The following NYNRIN variants were observed in gnomAD, a reference collection of about 807,000 sequenced individuals.
NYNRIN encodes NYN domain and retroviral integrase containing, also known as protein NYNRIN.
NYNRIN carries 86 observed loss-of-function variants against 146.6 expected under a neutral mutation model. That is an observed-to-expected ratio of 0.59 (90% confidence interval 0.49 to 0.70). NYNRIN has a LOEUF of 0.70. Ranked by LOEUF, NYNRIN falls within the 30% of genes least tolerant of loss-of-function variation. The probability of loss-of-function intolerance (pLI) is 0.00; values close to 1 mark genes in which losing one functional copy is unlikely to be tolerated. For missense variants in NYNRIN, 2,191 were observed against 2,377.7 expected, an observed-to-expected ratio of 0.92 and a Z score of 1.63; for synonymous variants, 1,027 against 1,001.3, an observed-to-expected ratio of 1.03 and a Z score of -0.48.
In NYNRIN at chr14:24,408,790, C is replaced by T. The variant is rs2139347042; in HGVS notation, c.996C>T (p.Leu332=). The T allele has an allele frequency of 2.5e-6, 4 of 1,614,034 alleles. No homozygotes were observed. The African/African-American group carries it at 4.0e-5, about 16-fold the overall frequency. ...AGGTCCAGAAGATAGAAGATAAACT[C>T]CTCTTCCAACCTCCAGTATCAGCCC... ...QRQVQKIEDK[L]LFQPPVSALG... is the part of the protein sequence containing the mutation. The change falls in exon 4 of 9, where the codon CTC becomes CTT. Residue 332 remains leucine (L), a synonymous_variant. Coordinates refer to ENST00000382554, the MANE Select transcript of NYNRIN (RefSeq NM_025081.3).
Position 24,417,674 on chromosome 14 carries a change from G to A in NYNRIN, c.*228G>A, listed in dbSNP as rs972281877. ...GAATTTGCCAAAGGCTGTCAGATAT[G>A]GGTCCCTGGCAGTTTTACACTGGGA... On this transcript the variant is annotated 3_prime_UTR_variant, in exon 9 of 9. Transcript: ENST00000382554. The A allele has an allele frequency of 1.3e-5, 7 of 537,116 alleles. No individual in the cohort carries two copies. The highest frequency in any genetic ancestry group is 3.7e-5 in the Admixed American group (1 of 26,772). The allele number at this position is 537,116 out of a possible 1,614,324, so 33.3% of individuals were successfully genotyped here.
Position 24,418,615 on chromosome 14 carries a change from C to G in NYNRIN, c.*1169C>G, listed in dbSNP as rs910432991. 1.2e-5 allele frequency: 2 copies of G among 165,628 alleles called. No homozygotes were observed. The highest frequency in any genetic ancestry group is 2.6e-5 in the Non-Finnish European group (2 of 76,064). 10.3% of individuals were successfully genotyped at this position (165,628 alleles called of 1,614,324 possible). ...GTACACTCACCCTCTGAATTGCTGCCGCTGCCAAGGAAGTGGGCTCCAGGT... is the reference window on the plus strand; with the variant it reads ...GTACACTCACCCTCTGAATTGCTGCGGCTGCCAAGGAAGTGGGCTCCAGGT... On this transcript the variant is annotated 3_prime_UTR_variant, in exon 9 of 9. Transcript: ENST00000382554.
Position 24,414,640 on chromosome 14 carries a change from T to C in NYNRIN, c.2891T>C (p.Leu964Pro), listed in dbSNP as rs1458883218. Reference protein sequence around the residue: ...IGNFLKVWKTLPPSSASVTEL... With the variant: ...IGNFLKVWKTPPPSSASVTEL... ...AACTTCCTGAAGGTGTGGAAGACCCTTCCTCCCAGCTCAGCCAGTGTCACT... is the reference window on the plus strand; with the variant it reads ...AACTTCCTGAAGGTGTGGAAGACCCCTCCTCCCAGCTCAGCCAGTGTCACT... Residue 964 changes from leucine to proline, a missense_variant, in exon 9 of 9, where the codon CTT becomes CCT. Coordinates refer to ENST00000382554, the MANE Select transcript of NYNRIN (RefSeq NM_025081.3). The C allele has an allele frequency of 1.2e-6, 2 of 1,613,752 alleles. No homozygotes were observed. Among genetic ancestry groups the C allele is most frequent in the Non-Finnish European group, 1.7e-6 (2 of 1,179,772 alleles).
At chr14:24,402,035 G>A (rs2042847172) in intron 2 of NYNRIN, among the ~76,000 whole-genome samples, 2 of 152,224 alleles carry the variant, frequency 1.3e-5, no homozygotes, top group South Asian at 2.1e-4. Context: ...AGGACTGGGG[G>A]AGGGCTGATG....
At position 24,409,912 on chromosome 14, in the gene NYNRIN, A is replaced by G; in HGVS notation, c.2118A>G (p.Thr706=). 1.2e-6 allele frequency: 2 copies of G among 1,613,732 alleles called. No individual in the cohort carries two copies. The highest frequency in any genetic ancestry group is 1.7e-6 in the Non-Finnish European group (2 of 1,179,792). ...VARLLSEVQP[T]SRASVSLLKG... ...GACTTCTGAGTGAGGTCCAGCCTAC[A>G]TCAAGGGCTAGTGTCTCCTTACTGA... The change falls in exon 4 of 9, where the codon ACA becomes ACG. Residue 706 remains threonine (T), a synonymous_variant. Coordinates refer to ENST00000382554, the MANE Select transcript of NYNRIN (RefSeq NM_025081.3).
At chr14:24,407,765 G>A in intron 2 of NYNRIN, 104 bp from the exon 3 acceptor site, 1 of 1,080,728 alleles carries the variant, frequency 9.3e-7, no homozygotes, top group Non-Finnish European at 1.3e-6. Context: ...GGTAGTGGTG[G>A]GGCCACATGG....
rs758775630 is a variant in NYNRIN, at chr14:24,416,809, G to A, written c.5060G>A (p.Arg1687Gln). ...LEAAQGPQFA[R>Q]HVLVSCGLAL... The stretch of plus-strand genomic sequence containing the variant: ...GCAGCCCAGGGGCCCCAGTTTGCCC[G>A]GCACGTCCTTGTGAGCTGTGGGCTG... The change falls in exon 9 of 9, where the codon CGG (arginine) becomes CAG (glutamine). Residue 1687 changes from arginine to glutamine, a missense_variant. Coordinates refer to ENST00000382554, the MANE Select transcript of NYNRIN (RefSeq NM_025081.3). 5.6e-6 allele frequency: 9 copies of A among 1,612,066 alleles called. No individual in the cohort carries two copies. Among genetic ancestry groups the A allele is most frequent in the South Asian group, 4.4e-5 (4 of 90,948 alleles).
chr14:24,403,292 A>G (rs2042856244), intron 2 of NYNRIN, among the ~76,000 whole-genome samples: 2 of 152,232 alleles, frequency 1.3e-5, no homozygotes, highest in South Asian at 4.1e-4. Flanking sequence ...TACCACTTCC[A>G]GTAGCCTCTC....
rs2042959553 is a variant in NYNRIN at position 24,417,872 on chromosome 14, C to G, written c.*426C>G. ...ATTGGAACCACAGTCCTTTCCCATACAGAAACCCCAAATGTGGGCTCCTCC... is the reference window on the plus strand; with the variant it reads ...ATTGGAACCACAGTCCTTTCCCATAGAGAAACCCCAAATGTGGGCTCCTCC... On this transcript the variant is annotated 3_prime_UTR_variant, in exon 9 of 9. Coordinates refer to ENST00000382554, the MANE Select transcript of NYNRIN (RefSeq NM_025081.3). 1 of 197,586 alleles carries G rather than the reference C, an allele frequency of 5.1e-6. No individual in the cohort carries two copies. The highest frequency in any genetic ancestry group is 1.0e-5 in the Non-Finnish European group (1 of 95,872). 12.2% of individuals were successfully genotyped at this position (197,586 alleles called of 1,614,324 possible). A position where few individuals can be genotyped will look rare whatever the true frequency, so the allele number is the denominator to read the frequency against.
chr14:24,415,129 A>G lies in NYNRIN; in HGVS notation c.3380A>G (p.Asp1127Gly), dbSNP rs1367536972. Residue 1127 changes from aspartate to glycine, a missense_variant, in exon 9 of 9, where the codon GAC becomes GGC. By Grantham distance (94) the Asp-to-Gly change is moderately conservative (BLOSUM62 -1). This residue lies in a region of NYNRIN where 1,291 missense variants were observed against 1,417.0 expected (regional missense o/e 0.91). Coordinates refer to ENST00000382554, the MANE Select transcript of NYNRIN (RefSeq NM_025081.3). ...PLHSLLKQKP[D>G]WQWDQEHEEA... ...CACAGCCTCCTCAAGCAGAAGCCTG[A>G]CTGGCAGTGGGACCAGGAGCATGAG... 1.9e-6 allele frequency: 3 copies of G among 1,605,900 alleles called. No individual in the cohort carries two copies. Among genetic ancestry groups the G allele is most frequent in the Non-Finnish European group, 2.5e-6 (3 of 1,179,140 alleles).
intron 2 of NYNRIN, among the ~76,000 whole-genome samples, chr14:24,404,994 C>CTGTG (rs747195772): frequency 1.8e-3 from 147 of 83,170 alleles, no homozygotes; most frequent in Admixed American, 5.3e-3. Context: ...CTTGCCAAGC[C>CTGTG]TGTGTGTGTG....
chr14:24,409,165 G>C lies in NYNRIN; in HGVS notation c.1371G>C (p.Thr457=). 1 of 1,613,966 alleles carries C rather than the reference G, an allele frequency of 6.2e-7. No homozygotes were observed. The highest frequency in any genetic ancestry group is 8.5e-7 in the Non-Finnish European group (1 of 1,179,882). ...CPRPEISPKV[T]SLLVVPGSSD... ...GGCCAGAGATTTCCCCAAAAGTTAC[G>C]AGTTTATTGGTGGTCCCTGGGAGCT... Residue 457 remains threonine (T), a synonymous_variant, in exon 4 of 9, where the codon ACG becomes ACC. Transcript: ENST00000382554.
rs1330287847 is a variant in NYNRIN, at chr14:24,417,348, C to T, written c.5599C>T (p.Pro1867Ser). 2 of 1,602,828 alleles carry T rather than the reference C, an allele frequency of 1.2e-6. No homozygotes were observed. The highest frequency in any genetic ancestry group is 1.7e-6 in the Non-Finnish European group (2 of 1,173,698). Residue 1867 changes from proline (P) to serine (S), a missense_variant, in exon 9 of 9, where the codon CCA becomes TCA. By Grantham distance (74) the Pro-to-Ser change is moderately conservative. This residue lies in a region of NYNRIN where 1,291 missense variants were observed against 1,417.0 expected (regional missense o/e 0.91). Coordinates refer to ENST00000382554, the MANE Select transcript of NYNRIN (RefSeq NM_025081.3). ...SLSLYRIWGF[P>S]TPEKLGCIYP... ...GTCACTCTATAGGATATGGGGCTTC[C>T]CAACCCCAGAGAAGCTGGGGTGCAT... is the stretch of plus-strand genomic sequence containing the variant.
chr14:24,403,419 G>A (rs183160110), intron 2 of NYNRIN, among the ~76,000 whole-genome samples: 5 of 152,288 alleles, frequency 3.3e-5, no homozygotes, highest in Admixed American at 1.3e-4. Context: ...CACAGCTGTC[G>A]TTCTTGGCAT....
At chr14:24,399,159 C>G (rs2042823395) in intron 1 of NYNRIN, 71 bp from the exon 2 acceptor site, 3 of 1,279,542 alleles carry the variant, frequency 2.3e-6, no homozygotes, top group South Asian at 1.4e-5. Flanking sequence ...GTGGCTTAGG[C>G]GCCTGGGGCT....
chr14:24,409,659 C>A lies in NYNRIN; in HGVS notation c.1865C>A (p.Pro622Gln), dbSNP rs1250331726. The change falls in exon 4 of 9, where the codon CCA becomes CAA. Residue 622 changes from proline (P) to glutamine (Q), a missense_variant. By Grantham distance (76) the Pro-to-Gln change is moderately conservative. Coordinates refer to ENST00000382554, the MANE Select transcript of NYNRIN (RefSeq NM_025081.3). ...GTAGCTCAAGTGGAACCCACAACTCCAAAAACTCCCCAGGCTCAGAAGATG... is the reference window on the plus strand; with the variant it reads ...GTAGCTCAAGTGGAACCCACAACTCAAAAAACTCCCCAGGCTCAGAAGATG... ...VLVAQVEPTT[P>Q]KTPQAQKMPV... 4 of 1,606,934 alleles carry A rather than the reference C, an allele frequency of 2.5e-6. No homozygotes were observed. The highest frequency in any genetic ancestry group is 3.4e-6 in the Non-Finnish European group (4 of 1,176,670).
rs755574455 is a variant in NYNRIN, at chr14:24,408,276, C to T, written c.606C>T (p.Ile202=). Residue 202 remains isoleucine, a synonymous_variant, in exon 3 of 9, where the codon ATC becomes ATT. Transcript: ENST00000382554. ...LVRDAAGKED[I]IEWLSRFGIS... is the part of the protein sequence containing the mutation. The stretch of plus-strand genomic sequence containing the variant: ...GGGATGCTGCGGGCAAGGAAGACAT[C>T]ATCGAGTGGCTCAGCCGCTTCGGCA... 1.1e-5 allele frequency: 17 copies of T among 1,611,786 alleles called. No individual in the cohort carries two copies. In the South Asian group the frequency reaches 1.9e-4, roughly 18 times the overall value.
chr14:24,418,189 G>A lies in NYNRIN; in HGVS notation c.*743G>A, dbSNP rs1003740744. The stretch of plus-strand genomic sequence containing the variant: ...ACTCCAGCCAATGGAGACAATTCCT[G>A]ACCCCTGCTTTGATGGTGTTGACCC... On this transcript the variant is annotated 3_prime_UTR_variant, in exon 9 of 9. Coordinates refer to ENST00000382554, the MANE Select transcript of NYNRIN (RefSeq NM_025081.3). The A allele has an allele frequency of 1.3e-4, 57 of 447,966 alleles. No individual in the cohort carries two copies. Among genetic ancestry groups the A allele is most frequent in the Non-Finnish European group, 2.5e-4 (56 of 223,122 alleles). 27.7% of individuals were successfully genotyped at this position (447,966 alleles called of 1,614,324 possible).
intron 8 of NYNRIN, 73 bp from the exon 9 acceptor site, chr14:24,414,523 A>G (rs2042931323): frequency 8.7e-7 from 1 of 1,149,228 alleles, no homozygotes; most frequent in Non-Finnish European, 1.2e-6. Flanking sequence ...TGGGGTTTCC[A>G]CAGAGGTGCT....
Sources: gnomAD v4.1 joint callset for allele counts (sites outside exome capture counted in the v4.1 genomes callset) on GRCh38, gnomAD v4.1.1 for gene constraint, gnomAD v4.1.1 regional missense constraint, MANE v1.5 for transcripts, NCBI Gene and HGNC (gene_info 2026-07-23, HGNC 2026-07-21) for gene names.